ERC2: variants seen among roughly 807,000 people sequenced by gnomAD.
ERC2 encodes ERC protein 2.
In ERC2, 42 loss-of-function variants were observed where a neutral mutation model predicts 114.8. That is an observed-to-expected ratio of 0.37 (90% CI 0.29 to 0.47). The LOEUF (loss-of-function observed/expected upper bound fraction) is 0.47, where lower values mean the gene tolerates loss of function less well. Ranked by LOEUF, ERC2 falls within the 20% of genes least tolerant of loss-of-function variation. ERC2 has a pLI of 0.99. For missense variants in ERC2, 939 were observed against 1,150.7 expected (o/e 0.82, Z 2.66); for synonymous variants, 454 against 425.5 (o/e 1.07, Z -0.82).
intron 2 of ERC2, among the ~76,000 whole-genome samples, chr3:56,398,842 C>T (rs1417230448): frequency 1.3e-5 from 2 of 152,176 alleles, no homozygotes; most frequent in African/African-American, 4.8e-5. Context: ...TAGCCTTGAA[C>T]TCTTAGCCTC....
At chr3:55,949,161 A>G (rs1431603861) in intron 13 of ERC2, among the ~76,000 whole-genome samples, 1 of 152,068 alleles carries the variant, frequency 6.6e-6, no homozygotes, top group African/African-American at 2.4e-5. Context: ...TGAGGTCACG[A>G]GATGGAGACC....
intron 14 of ERC2, among the ~76,000 whole-genome samples, chr3:55,757,136 C>G (rs2067114702): frequency 3.3e-5 from 5 of 152,076 alleles, no homozygotes; most frequent in African/African-American, 1.2e-4. Context: ...CACAGAACAC[C>G]ACATCATATT....
intron 2 of ERC2, chr3:56,434,141 T>G (rs1314296817): frequency 3.6e-6 from 2 of 549,352 alleles, no homozygotes; most frequent in Non-Finnish European, 3.2e-6. Flanking sequence ...TGCAACCATG[T>G]GAAAAGGTTA....
At chr3:55,875,846 C>A (rs1423827631) in intron 14 of ERC2, among the ~76,000 whole-genome samples, 2 of 151,862 alleles carry the variant, frequency 1.3e-5, no homozygotes, top group Admixed American at 6.6e-5. Context: ...GCATTTTGAA[C>A]CCCTGTGCTT....
intron 14 of ERC2, among the ~76,000 whole-genome samples, chr3:55,834,704 G>C (rs2060789382): frequency 6.8e-6 from 1 of 146,364 alleles, no homozygotes; most frequent in South Asian, 2.2e-4. Flanking sequence ...AAAAGAACTA[G>C]AAAAGCAAGA....
At chr3:56,032,975 A>AAGAC (rs1560057272) in intron 7 of ERC2, among the ~76,000 whole-genome samples, 4 of 71,286 alleles carry the variant, frequency 5.6e-5, no homozygotes, top group African/African-American at 1.7e-4. Flanking sequence ...GAAAGAAAGA[A>AAGAC]AGAGAAAGAA....
At chr3:55,552,758 T>A (rs2055305872) in intron 17 of ERC2, among the ~76,000 whole-genome samples, 1 of 151,784 alleles carries the variant, frequency 6.6e-6, no homozygotes, top group Admixed American at 6.6e-5. Flanking sequence ...TTAAATGGAG[T>A]TCTCCTCTAG....
chr3:55,935,308 G>T (rs2066370419), intron 13 of ERC2, among the ~76,000 whole-genome samples: 1 of 152,164 alleles, frequency 6.6e-6, no homozygotes, highest in Non-Finnish European at 1.5e-5. Context: ...AGTTCCACGG[G>T]GTGATAGCTG....
chr3:55,937,805 A>G (rs572881804), intron 13 of ERC2, among the ~76,000 whole-genome samples: 1 of 152,364 alleles, frequency 6.6e-6, no homozygotes, highest in East Asian at 1.9e-4. Flanking sequence ...GAGAAATAGT[A>G]GATGAGTTTG....
At chr3:55,547,508 G>A (rs878956429) in intron 17 of ERC2, among the ~76,000 whole-genome samples, 1 of 152,168 alleles carries the variant, frequency 6.6e-6, no homozygotes, top group African/African-American at 2.4e-5. Flanking sequence ...ACCAGTTTAA[G>A]GTCTTCTTTC....
intron 17 of ERC2, among the ~76,000 whole-genome samples, chr3:55,527,339 G>C (rs2053392474): frequency 2.0e-5 from 3 of 152,104 alleles, no homozygotes; most frequent in Admixed American, 1.3e-4. Context: ...CAGTCTTAAG[G>C]GCTCAATAAA....
intron 2 of ERC2, among the ~76,000 whole-genome samples, chr3:56,330,888 T>G (rs1376060262): frequency 6.6e-6 from 1 of 152,234 alleles, no homozygotes; most frequent in African/African-American, 2.4e-5. Flanking sequence ...CCTCCTTTTA[T>G]GCTCATTGCA....
At chr3:56,065,669 T>C (rs2076441277) in intron 7 of ERC2, among the ~76,000 whole-genome samples, 1 of 152,124 alleles carries the variant, frequency 6.6e-6, no homozygotes, top group Admixed American at 6.5e-5. Flanking sequence ...CATTAGCTAT[T>C]TTTCCTGATG....
At chr3:56,010,743 G>A (rs1002038760) in intron 8 of ERC2, among the ~76,000 whole-genome samples, 154 bp from the exon 9 acceptor site, 4 of 152,200 alleles carry the variant, frequency 2.6e-5, no homozygotes, top group Non-Finnish European at 5.9e-5. Flanking sequence ...TGGGGAGGCT[G>A]TGCATAACAG....
intron 13 of ERC2, among the ~76,000 whole-genome samples, chr3:55,949,330 AC>A (rs1258646692): frequency 6.6e-6 from 1 of 151,980 alleles, no homozygotes; most frequent in Non-Finnish European, 1.5e-5. Flanking sequence ...AGATCGCGCC[AC>A]TGCTCTCCAG....
At chr3:55,944,836 A>G (rs1053617619) in intron 13 of ERC2, among the ~76,000 whole-genome samples, 2 of 152,216 alleles carry the variant, frequency 1.3e-5, no homozygotes, top group African/African-American at 4.8e-5. Context: ...TCCCCAAGGA[A>G]AGAAAGCACT....
In ERC2 at chr3:56,309,822, C is replaced by A. The variant is rs538681853; in HGVS notation, c.658-13387G>T. On this transcript the variant is annotated intron_variant, in intron 2 of 17. Coordinates refer to ENST00000288221, the MANE Select transcript of ERC2 (RefSeq NM_015576.3). Reference sequence around the variant, plus strand: ...TAGCTATTTTCATTATTTTGAGACACTGGTGGTGGCTAGAGGCCTGGAATT... The same window carrying A: ...TAGCTATTTTCATTATTTTGAGACAATGGTGGTGGCTAGAGGCCTGGAATT... Among the ~76,000 whole-genome samples the A allele has an allele frequency of 2.6e-5, 4 of 152,294 alleles. No individual in the cohort carries two copies. In the South Asian group the frequency reaches 6.2e-4, roughly 24 times the overall value.
chr3:56,375,490 C>T (rs2059505060), intron 2 of ERC2, among the ~76,000 whole-genome samples: 1 of 152,308 alleles, frequency 6.6e-6, no homozygotes, highest in Middle Eastern at 3.4e-3. Flanking sequence ...ACGAATATCA[C>T]TTTGTGCCAC....
intron 3 of ERC2, among the ~76,000 whole-genome samples, chr3:56,177,956 T>A (rs2083070852): frequency 1.3e-5 from 2 of 152,188 alleles, no homozygotes; most frequent in South Asian, 4.1e-4. Context: ...AAATTTAACA[T>A]CTCACTGTGA....
Sources: gnomAD v4.1 joint callset for allele counts (sites outside exome capture counted in the v4.1 genomes callset) on GRCh38, gnomAD v4.1.1 for gene constraint, MANE v1.5 for transcripts, NCBI Gene and HGNC (gene_info 2026-07-23, HGNC 2026-07-21) for gene names.